FBXO34: variants seen among roughly 807,000 people sequenced by gnomAD.
The protein encoded by FBXO34 is F-box protein 34.
In FBXO34, 12 loss-of-function variants were observed where a neutral mutation model predicts 24.5. The observed-to-expected ratio is 0.49, with a 90% CI of 0.31 to 0.79. The LOEUF (loss-of-function observed/expected upper bound fraction) is 0.79, where lower values mean the gene tolerates loss of function less well. FBXO34 is among the 30% of genes least tolerant of loss of function. The pLI is 0.04. For missense variants in FBXO34, 823 were observed against 857.7 expected, an observed-to-expected ratio of 0.96 and a Z score of 0.51; for synonymous variants, 320 against 311.9, an observed-to-expected ratio of 1.03 and a Z score of -0.27.
the FBXO34 span, chr14:55,380,503 A>T: frequency 1.9e-6 from 2 of 1,032,356 alleles, no homozygotes; most frequent in East Asian, 2.5e-5. Flanking sequence ...GTTTATTGGA[A>T]TAAATAAAGA....
chr14:55,394,950 T>C, the FBXO34 span: 1 of 394,170 alleles, frequency 2.5e-6, no homozygotes, highest in South Asian at 1.9e-5. Context: ...TTTCACCTCC[T>C]AAAAAAAAGC....
intron 1 of FBXO34, among the ~76,000 whole-genome samples, chr14:55,313,237 C>G (rs1882809090): frequency 6.6e-6 from 1 of 152,158 alleles, no homozygotes; most frequent in African/African-American, 2.4e-5. Context: ...AGTTTCTTTG[C>G]TAAAACATAC....
At chr14:55,316,662 C>G (rs1882939245) in intron 1 of FBXO34, among the ~76,000 whole-genome samples, 2 of 148,408 alleles carry the variant, frequency 1.3e-5, no homozygotes, top group Non-Finnish European at 3.0e-5. Flanking sequence ...TGGGTGGTTG[C>G]AGTGCATTGA....
At chr14:55,289,355 C>T (rs1881866673) in intron 1 of FBXO34, among the ~76,000 whole-genome samples, 2 of 152,064 alleles carry the variant, frequency 1.3e-5, no homozygotes, top group African/African-American at 4.8e-5. Context: ...GATGGAAGAA[C>T]ATTTACTTTT....
At chr14:55,338,863 G>A (rs994241428) in intron 1 of FBXO34, among the ~76,000 whole-genome samples, 17 of 150,064 alleles carry the variant, frequency 1.1e-4, no homozygotes, top group African/African-American at 3.5e-4. Flanking sequence ...CTGAGATTGC[G>A]CCACTGCACT....
chr14:55,282,696 C>G (rs1011242613), intron 1 of FBXO34: 8 of 152,396 alleles, frequency 5.2e-5, no homozygotes, highest in South Asian at 2.1e-4. Context: ...GCTGTGTTTT[C>G]TACTCTGCTT....
the FBXO34 span, chr14:55,380,680 C>T: frequency 2.5e-6 from 4 of 1,601,532 alleles, no homozygotes; most frequent in Non-Finnish European, 3.4e-6. Flanking sequence ...CAGGGTTACT[C>T]TGCTCCATGT....
chr14:55,440,888 A>G, the FBXO34 span, among the ~76,000 whole-genome samples: 1 of 152,148 alleles, frequency 6.6e-6, no homozygotes, highest in East Asian at 1.9e-4. Flanking sequence ...TTGAGATGGA[A>G]TCCCACTCTT....
intron 1 of FBXO34, among the ~76,000 whole-genome samples, chr14:55,304,911 A>G (rs1176572847): frequency 2.0e-5 from 3 of 152,182 alleles, no homozygotes; most frequent in East Asian, 1.9e-4. Flanking sequence ...TTTTTAACCT[A>G]TTTTGTTTTT....
the FBXO34 span, among the ~76,000 whole-genome samples, chr14:55,375,490 A>AATTTTT: frequency 3.6e-4 from 42 of 117,798 alleles, 1 homozygote; most frequent in African/African-American, 3.4e-4. Context: ...GCCGGGCTAA[A>AATTTTT]TTTTTTTTTT....
At chr14:55,312,745 C>T (rs535394341) in intron 1 of FBXO34, among the ~76,000 whole-genome samples, 1 of 152,294 alleles carries the variant, frequency 6.6e-6, no homozygotes, top group South Asian at 2.1e-4. Flanking sequence ...CATTTTCACC[C>T]CAGTGGGGAT....
chr14:55,325,171 A>G (rs557585469), intron 1 of FBXO34, among the ~76,000 whole-genome samples: 27 of 152,312 alleles, frequency 1.8e-4, no homozygotes, highest in African/African-American at 6.3e-4. Flanking sequence ...CCCTATAAGA[A>G]TTTGTTGACA....
chr14:55,393,806 CCCAA>C, the FBXO34 span, among the ~76,000 whole-genome samples: 2 of 152,004 alleles, frequency 1.3e-5, no homozygotes, highest in African/African-American at 2.4e-5. Context: ...ACCTCGGACT[CCCAA>C]AGTGCTGGGA....
chr14:55,416,094 A>G, the FBXO34 span, among the ~76,000 whole-genome samples: 3 of 152,048 alleles, frequency 2.0e-5, no homozygotes, highest in South Asian at 6.2e-4. Context: ...GGAGAGGGGA[A>G]TGGGGGGAAT....
At chr14:55,335,525 G>A (rs6573017) in intron 1 of FBXO34, 84,940 of 152,064 alleles carry the variant, frequency 0.56, 26,749 homozygotes, top group African/African-American at 0.87. Flanking sequence ...ACAATAATAA[G>A]TATAGTGTAT....
chr14:55,417,820 T>G, the FBXO34 span, among the ~76,000 whole-genome samples: 4 of 152,170 alleles, frequency 2.6e-5, no homozygotes, highest in Non-Finnish European at 5.9e-5. Flanking sequence ...CTAACCTTGG[T>G]GACTAAGGTG....
the FBXO34 span, chr14:55,424,062 T>A: frequency 6.1e-6 from 5 of 816,166 alleles, no homozygotes; most frequent in Non-Finnish European, 9.9e-6. Flanking sequence ...ATAACAAGAA[T>A]TACTTTACCA....
chr14:55,311,362 T>TA (rs1471641416), intron 1 of FBXO34, among the ~76,000 whole-genome samples: 1 of 152,192 alleles, frequency 6.6e-6, no homozygotes, highest in Non-Finnish European at 1.5e-5. Context: ...TAATTCAAGA[T>TA]AAGAGTTGGG....
chr14:55,411,988 T>G, the FBXO34 span: 5 of 646,934 alleles, frequency 7.7e-6, no homozygotes, highest in Admixed American at 5.9e-5. Context: ...TCCGGTCTGC[T>G]GAGGGGCAAC....
Sources: allele counts gnomAD v4.1 joint callset (sites outside exome capture counted in the v4.1 genomes callset), GRCh38; gene constraint gnomAD v4.1.1; transcripts MANE v1.5; gene names NCBI Gene and HGNC (gene_info 2026-07-23, HGNC 2026-07-21).